The following RCC1L variants were observed in gnomAD, a reference collection of about 807,000 sequenced individuals.
RCC1L encodes the protein RCC1 like, also known as RCC1-like G exchanging factor-like protein.
A neutral mutation model predicts 58.6 loss-of-function variants in RCC1L; 46 were observed. The observed-to-expected ratio is 0.79, with a 90% CI of 0.62 to 1.00. The LOEUF is 1.00. RCC1L is among the 50% of genes least tolerant of loss of function. The pLI, the probability that RCC1L is intolerant of heterozygous loss-of-function variation, is 0.00. For synonymous variants in RCC1L, 281 were observed against 262.9 expected (o/e 1.07, Z -0.67); for missense variants, 636 against 623.6 (o/e 1.02, Z -0.21).
At chr7:75,051,443 C>T (rs1370853000) in intron 10 of RCC1L, among the ~76,000 whole-genome samples, 1 of 150,702 alleles carries the variant, frequency 6.6e-6, no homozygotes, top group South Asian at 2.1e-4. Flanking sequence ...ACACAGTCTC[C>T]CTCTGTTGCC....
chr7:75,048,952 G>A lies in RCC1L; in HGVS notation c.1317+3759C>T, dbSNP rs587687263. 2.8e-3 allele frequency among the ~76,000 whole-genome samples: 433 copies of A among 152,294 alleles called. 3 individuals are homozygous for A. The highest frequency in any genetic ancestry group is 9.9e-3 in the African/African-American group (413 of 41,564). ...AAACCACTGAACCTCTCTGAGGGATGAGTCTCAACGTGTAGCAAAAAAACA... is the reference window on the plus strand; with the variant it reads ...AAACCACTGAACCTCTCTGAGGGATAAGTCTCAACGTGTAGCAAAAAAACA... On this transcript the variant is annotated intron_variant, in intron 10 of 10. Coordinates refer to ENST00000610322, the MANE Select transcript of RCC1L (RefSeq NM_030798.5).
At chr7:75,029,875 A>G (rs1805252479) in intron 10 of RCC1L, among the ~76,000 whole-genome samples, 1 of 152,064 alleles carries the variant, frequency 6.6e-6, no homozygotes, top group African/African-American at 2.4e-5. Flanking sequence ...CATTCAAAGG[A>G]GGCCGGGCTC....
At chr7:75,065,210 A>T (rs1267697413) in intron 3 of RCC1L, among the ~76,000 whole-genome samples, 1 of 151,348 alleles carries the variant, frequency 6.6e-6, no homozygotes, top group African/African-American at 2.4e-5. Flanking sequence ...AAAAAGAAAG[A>T]GCTCCTAAAT....
intron 10 of RCC1L, among the ~76,000 whole-genome samples, chr7:75,028,361 T>C (rs1805201966): frequency 6.6e-6 from 1 of 152,068 alleles, no homozygotes; most frequent in Non-Finnish European, 1.5e-5. Flanking sequence ...CCTCAAGTGA[T>C]CCACCCACCT....
intron 10 of RCC1L, among the ~76,000 whole-genome samples, chr7:75,045,562 C>G (rs1805694740): frequency 6.6e-6 from 1 of 150,662 alleles, no homozygotes. Context: ...TGTCACCAGG[C>G]TAGAGTGCAG....
chr7:75,045,136 G>A (rs1189039384), intron 10 of RCC1L, among the ~76,000 whole-genome samples: 1 of 151,436 alleles, frequency 6.6e-6, no homozygotes, highest in African/African-American at 2.4e-5. Context: ...AGCCTCCCAA[G>A]TAGCTGGGAC....
At position 75,055,903 on chromosome 7, in the gene RCC1L, G is replaced by A; in HGVS notation, c.1229C>T (p.Thr410Ile). The A allele has an allele frequency of 1.2e-6, 2 of 1,613,944 alleles. No homozygotes were observed. The highest frequency in any genetic ancestry group is 1.1e-5 in the South Asian group (1 of 91,074). ...RCGLSHFAAL[T>I]NKGELFVWGK... ...GGCCACCGGGCTTGGTAACTTACTGGTCAGTGCAGCAAAGTGGCTGAGTCC... is the reference window on the plus strand; with the variant it reads ...GGCCACCGGGCTTGGTAACTTACTGATCAGTGCAGCAAAGTGGCTGAGTCC... The change falls in exon 9 of 11, where the codon ACC becomes ATC. Residue 410 changes from threonine (T) to isoleucine (I), a missense_variant and splice_region_variant. Thr to Ile is a moderately conservative substitution (Grantham distance 89). Coordinates refer to ENST00000610322, the MANE Select transcript of RCC1L (RefSeq NM_030798.5).
chr7:75,072,877 C>T (rs985220109), intron 1 of RCC1L, among the ~76,000 whole-genome samples: 15 of 152,110 alleles, frequency 9.9e-5, no homozygotes, highest in African/African-American at 3.6e-4. Context: ...GAGGTCGAGG[C>T]TGCAGTGAGC....
At chr7:75,031,164 T>C (rs1429437400) in intron 10 of RCC1L, among the ~76,000 whole-genome samples, 2 of 152,140 alleles carry the variant, frequency 1.3e-5, no homozygotes, top group Non-Finnish European at 2.9e-5. Flanking sequence ...ATTTCCGTTA[T>C]CCTGAGATGG....
Position 75,035,326 on chromosome 7 carries a change from C to T in RCC1L, c.1318-7247G>A, listed in dbSNP as rs933862937. On this transcript the variant is annotated intron_variant, in intron 10 of 10. Coordinates refer to the RCC1L transcript ENST00000614461. The stretch of plus-strand genomic sequence containing the variant: ...GATTACAGGCATGAGCCACCGCGCC[C>T]GGCCTGGGTCCCTACTTTAGCAGCA... Among the ~76,000 whole-genome samples, 86 of 152,288 alleles carry T rather than the reference C, an allele frequency of 5.6e-4. 1 individual carries two copies. The highest frequency in any genetic ancestry group is 2.2e-3 in the Admixed American group (34 of 15,288).
At chr7:75,028,013 G>A (rs1004840295) in exon 11 of RCC1L, 14 of 1,534,568 alleles carry the variant, frequency 9.1e-6, no homozygotes, top group African/African-American at 1.4e-5. Flanking sequence ...CCTGTTTGCC[G>A]TCCATCCCCC....
At chr7:75,072,366 T>A (rs587706942) in intron 1 of RCC1L, among the ~76,000 whole-genome samples, 1 of 151,158 alleles carries the variant, frequency 6.6e-6, no homozygotes, top group African/African-American at 2.4e-5. Flanking sequence ...TAGTTTTTGT[T>A]ATTGCTTTTG....
chr7:75,072,192 G>GGA (rs150506038), intron 1 of RCC1L, among the ~76,000 whole-genome samples: 24,418 of 62,756 alleles, frequency 0.39, 4,604 homozygotes, highest in African/African-American at 0.57. Context: ...ATATATATAT[G>GGA]GAGAGAGAGA....
intron 3 of RCC1L, among the ~76,000 whole-genome samples, chr7:75,065,938 A>C (rs1554445040): frequency 6.6e-6 from 1 of 151,578 alleles, no homozygotes; most frequent in Non-Finnish European, 1.5e-5. Context: ...GAATTGCTTG[A>C]ACCTGGGAGG....
At chr7:75,064,383 A>G (rs1806383685) in intron 4 of RCC1L, among the ~76,000 whole-genome samples, 199 bp downstream of exon 4, 1 of 151,712 alleles carries the variant, frequency 6.6e-6, no homozygotes, top group African/African-American at 2.4e-5. Flanking sequence ...ACCAATGCTC[A>G]TGCCCCCTCT....
At chr7:75,041,540 G>A (rs9654754), downstream of RCC1L, among the ~76,000 whole-genome samples, 519 of 152,102 alleles carry the variant, frequency 3.4e-3, 4 homozygotes, top group African/African-American at 0.012. Context: ...ACTGAACTGC[G>A]GGAGTAGAAT....
intron 10 of RCC1L, among the ~76,000 whole-genome samples, chr7:75,049,207 T>C (rs1391437985): frequency 1.3e-5 from 2 of 152,156 alleles, no homozygotes; most frequent in Non-Finnish European, 2.9e-5. Context: ...ATAGTTGTTT[T>C]AAAGAATAAA....
At chr7:75,053,226 AGTTGGGGTCTGGG>A (rs1805973134) in intron 9 of RCC1L, among the ~76,000 whole-genome samples, 2 of 34,844 alleles carry the variant, frequency 5.7e-5, no homozygotes, top group African/African-American at 1.2e-4. Context: ...TAGTGCATGG[AGTTGGGGTCTGGG>A]GGTGGTGGAC....
In RCC1L at chr7:75,054,123, G is replaced by A. The variant is rs888353935; in HGVS notation, c.1232-1327C>T. 2.6e-5 allele frequency among the ~76,000 whole-genome samples: 4 copies of A among 152,196 alleles called. No homozygotes were observed. The South Asian group carries it at 6.2e-4, about 24-fold the overall frequency. On this transcript the variant is annotated intron_variant, in intron 9 of 10. Transcript: ENST00000610322. Reference sequence around the variant, plus strand: ...TCACTATGTTGCCTAGGCTAGTCTCGAACTCCTGGGCTTTGAGGGATCCTC... The same window carrying A: ...TCACTATGTTGCCTAGGCTAGTCTCAAACTCCTGGGCTTTGAGGGATCCTC...
Sources: gnomAD v4.1 joint callset for allele counts (sites outside exome capture counted in the v4.1 genomes callset) on GRCh38, gnomAD v4.1.1 for gene constraint, MANE v1.5 for transcripts, NCBI Gene and HGNC (gene_info 2026-07-23, HGNC 2026-07-21) for gene names.